Variants in CNTNAP2 observed in about 807,000 individuals in gnomAD.
The protein encoded by CNTNAP2 is contactin-associated protein-like 2.
A neutral mutation model predicts 155.2 loss-of-function variants in CNTNAP2; 98 were observed. The ratio of observed to expected loss-of-function variants is 0.63; its 90% CI spans 0.54 to 0.75. The LOEUF is 0.75. CNTNAP2 is among the 30% of genes least tolerant of loss of function. The probability of loss-of-function intolerance (pLI) is 0.00; values close to 1 mark genes in which losing one functional copy is unlikely to be tolerated. For missense variants in CNTNAP2, 1,727 were observed against 1,688.1 expected, an observed-to-expected ratio of 1.02 and a Z score of -0.40; for synonymous variants, 651 against 631.2, an observed-to-expected ratio of 1.03 and a Z score of -0.47.
At chr7:147,578,879 A>T (rs1800447306) in intron 12 of CNTNAP2, among the ~76,000 whole-genome samples, 1 of 151,988 alleles carries the variant, frequency 6.6e-6, no homozygotes, top group Non-Finnish European at 1.5e-5. Context: ...AGCTTAGAAA[A>T]CTCACAAAGT....
At chr7:148,252,856 C>T (rs1796387787) in intron 20 of CNTNAP2, among the ~76,000 whole-genome samples, 3 of 152,068 alleles carry the variant, frequency 2.0e-5, no homozygotes, top group Admixed American at 1.3e-4. Context: ...CTTCCCAAAA[C>T]AGGGTCCAAG....
At chr7:147,832,326 A>T (rs998265022) in intron 13 of CNTNAP2, among the ~76,000 whole-genome samples, 6 of 146,378 alleles carry the variant, frequency 4.1e-5, no homozygotes, top group Non-Finnish European at 7.5e-5. Context: ...TAGATCCATT[A>T]TCTATATTTA....
rs114522227 is a variant in CNTNAP2 at position 146,361,263 on chromosome 7, T to C, written c.97+244290T>C. Among the ~76,000 whole-genome samples the C allele has an allele frequency of 6.5e-3, 994 of 152,266 alleles. 12 individuals carry two copies. Among genetic ancestry groups the C allele is most frequent in the African/African-American group, 0.023 (947 of 41,552 alleles). On this transcript the variant is annotated intron_variant, in intron 1 of 23. Coordinates refer to ENST00000361727, the MANE Select transcript of CNTNAP2 (RefSeq NM_014141.6). ...ATTTGGAAATACAATCTTCTCAGGA[T>C]GCAAAATTTGCATATTCAGAGGGCA...
chr7:148,004,280 G>A (rs1801939619), intron 15 of CNTNAP2, among the ~76,000 whole-genome samples: 1 of 152,038 alleles, frequency 6.6e-6, no homozygotes, highest in African/African-American at 2.4e-5. Flanking sequence ...ATGTGATTAA[G>A]CCTTCTATTT....
chr7:147,052,856 T>C (rs900841490), intron 4 of CNTNAP2, among the ~76,000 whole-genome samples: 1 of 152,086 alleles, frequency 6.6e-6, no homozygotes, highest in Non-Finnish European at 1.5e-5. Context: ...TATGACATAT[T>C]TGGGATATGC....
intron 13 of CNTNAP2, among the ~76,000 whole-genome samples, chr7:147,817,822 G>A (rs1026439566): frequency 4.6e-5 from 7 of 150,746 alleles, no homozygotes; most frequent in Admixed American, 2.0e-4. Flanking sequence ...GGAGAATGGC[G>A]TGAACCCAGG....
chr7:146,720,991 A>ACTC (rs1486115087), intron 1 of CNTNAP2, among the ~76,000 whole-genome samples: 2 of 115,714 alleles, frequency 1.7e-5, no homozygotes, highest in Non-Finnish European at 1.7e-5. Flanking sequence ...TATATACTGT[A>ACTC]TATATATAGT....
chr7:147,630,840 T>A (rs1187614850), intron 12 of CNTNAP2, among the ~76,000 whole-genome samples: 1 of 152,050 alleles, frequency 6.6e-6, no homozygotes, highest in Non-Finnish European at 1.5e-5. Flanking sequence ...ATAAAAACCA[T>A]CTATGACAAA....
intron 10 of CNTNAP2, among the ~76,000 whole-genome samples, chr7:147,485,174 A>G (rs369826536): frequency 6.6e-6 from 1 of 152,142 alleles, no homozygotes; most frequent in Non-Finnish European, 1.5e-5. Flanking sequence ...TTGGCCCACT[A>G]TTTCCTGCCT....
intron 13 of CNTNAP2, among the ~76,000 whole-genome samples, chr7:147,785,471 C>G (rs1354885559): frequency 1.3e-5 from 2 of 151,736 alleles, no homozygotes; most frequent in Non-Finnish European, 2.9e-5. Context: ...GTGGGAAAGC[C>G]AGAACAAAGT....
intron 13 of CNTNAP2, among the ~76,000 whole-genome samples, chr7:147,832,684 A>T (rs1304114057): frequency 6.8e-6 from 1 of 146,764 alleles, no homozygotes; most frequent in Non-Finnish European, 1.5e-5. Context: ...TATATTTCAT[A>T]TTATATTTCA....
chr7:146,524,971 G>A (rs774967019), intron 1 of CNTNAP2, among the ~76,000 whole-genome samples: 54 of 152,016 alleles, frequency 3.6e-4, no homozygotes, highest in Non-Finnish European at 5.6e-4. Flanking sequence ...TTCTAAAAAT[G>A]AGAGCCTGCC....
intron 8 of CNTNAP2, among the ~76,000 whole-genome samples, chr7:147,282,425 G>C (rs1805062414): frequency 6.6e-6 from 1 of 151,950 alleles, no homozygotes; most frequent in Non-Finnish European, 1.5e-5. Flanking sequence ...AAATATGTGA[G>C]AGCAGAGTGA....
chr7:146,504,101 A>G (rs1797346467), intron 1 of CNTNAP2, among the ~76,000 whole-genome samples: 1 of 152,236 alleles, frequency 6.6e-6, no homozygotes, highest in Non-Finnish European at 1.5e-5. Context: ...ATGCTGTACC[A>G]GATGTCTGCC....
intron 1 of CNTNAP2, among the ~76,000 whole-genome samples, chr7:146,649,808 A>T (rs371755043): frequency 2.0e-5 from 3 of 152,156 alleles, no homozygotes; most frequent in East Asian, 3.9e-4. Context: ...ATTCCTATTT[A>T]TTTCCCAAAC....
chr7:146,544,958 T>C (rs922957226), intron 1 of CNTNAP2, among the ~76,000 whole-genome samples: 2 of 151,888 alleles, frequency 1.3e-5, no homozygotes, highest in Admixed American at 6.6e-5. Context: ...TGTCTGAAAC[T>C]TAGGCCTGAA....
intron 1 of CNTNAP2, among the ~76,000 whole-genome samples, chr7:146,421,222 TAAC>T (rs1360315797): frequency 1.3e-5 from 2 of 152,004 alleles, no homozygotes; most frequent in African/African-American, 4.8e-5. Context: ...ATTTCTCTCT[TAAC>T]AAGTATGTAT....
intron 13 of CNTNAP2, among the ~76,000 whole-genome samples, chr7:147,895,721 G>T (rs1187968216): frequency 2.0e-5 from 3 of 152,178 alleles, no homozygotes; most frequent in African/African-American, 7.2e-5. Flanking sequence ...GGTAAATAAT[G>T]ATTTGTAAAG....
chr7:146,182,124 A>G (rs947111142), intron 1 of CNTNAP2, among the ~76,000 whole-genome samples: 4 of 152,246 alleles, frequency 2.6e-5, no homozygotes, highest in Non-Finnish European at 5.9e-5. Context: ...AGAAAAAGAA[A>G]ATTTTAAATC....
Sources: allele counts gnomAD v4.1 joint callset (sites outside exome capture counted in the v4.1 genomes callset), GRCh38; gene constraint gnomAD v4.1.1; transcripts MANE v1.5; gene names NCBI Gene and HGNC (gene_info 2026-07-23, HGNC 2026-07-21).